The following IQCN variants were observed in gnomAD, a reference collection of about 807,000 sequenced individuals.
IQCN encodes the protein IQ motif containing N.
Under a neutral mutation model 64.4 loss-of-function variants are expected in IQCN, and 46 were observed. That is an observed-to-expected ratio of 0.71 (90% CI 0.56 to 0.91). The LOEUF (loss-of-function observed/expected upper bound fraction) is 0.91. Ranked by LOEUF, IQCN falls within the 40% of genes least tolerant of loss-of-function variation. IQCN has a pLI of 0.00. For missense variants in IQCN, 1,753 were observed against 1,857.4 expected (o/e 0.94, Z 1.03); for synonymous variants, 733 against 775.6 (o/e 0.95, Z 0.91).
rs768921785 is a variant in IQCN at position 18,257,412 on chromosome 19, G to A, written c.3872C>T (p.Ala1291Val). 2 of 1,610,346 alleles carry A rather than the reference G, an allele frequency of 1.2e-6. No homozygotes were observed. Among genetic ancestry groups the A allele is most frequent in the Admixed American group, 3.3e-5 (2 of 59,976 alleles). ...GCGATGCGGCTGCCTGGGACTCAGG[G>A]CAGCCAGCTGGTAGGCGGAGGCCCA... ...VSWASAYQLA[A>V]LSPRQPHRQD... Residue 1291 changes from alanine (A) to valine (V), a missense_variant, in exon 4 of 4, where the codon GCC (alanine) becomes GTC (valine). Coordinates refer to ENST00000392413, the MANE Select transcript of IQCN (RefSeq NM_001145304.2).
At position 18,265,279 on chromosome 19, in the gene IQCN, G is replaced by T; in HGVS notation, c.2261C>A (p.Thr754Lys). ...AGCCTGGTGCGCTGGGATGAGGCACGTGGTTATGTCTGTGATCGGCTGCCC... is the reference window on the plus strand; with the variant it reads ...AGCCTGGTGCGCTGGGATGAGGCACTTGGTTATGTCTGTGATCGGCTGCCC... The part of the protein sequence containing the change: ...SRGQPITDIT[T>K]CLIPAHQAAD... The change falls in exon 3 of 4, where the codon ACG becomes AAG. Residue 754 changes from threonine to lysine, a missense_variant. Transcript: ENST00000392413. The surrounding 1 kb of genome is among the most constrained non-coding windows in gnomAD (Gnocchi z 4.7). 1 of 1,614,044 alleles carries T rather than the reference G, an allele frequency of 6.2e-7. No homozygotes were observed. The highest frequency in any genetic ancestry group is 1.3e-5 in the African/African-American group (1 of 75,046).
chr19:18,266,825 G>T lies in IQCN; in HGVS notation c.715C>A (p.Pro239Thr), dbSNP rs1265992263. The change falls in exon 3 of 4, where the codon CCA becomes ACA. Residue 239 changes from proline (P) to threonine (T), a missense_variant. Physicochemically the swap from Pro to Thr is conservative, Grantham distance 38. Transcript: ENST00000392413. The surrounding 1 kb of genome is among the most constrained non-coding windows in gnomAD (Gnocchi z 4.3). The stretch of plus-strand genomic sequence containing the variant: ...AATCTGATGGTGACCGTCTGGTGTG[G>T]CAGGAAGGCCAGCCCCCGGACTCTG... ...AARVRGLAFL[P>T]HQTVTIRFPC... 1 of 1,614,124 alleles carries T rather than the reference G, an allele frequency of 6.2e-7. No individual in the cohort carries two copies. The highest frequency in any genetic ancestry group is 2.2e-5 in the East Asian group (1 of 44,880).
At position 18,267,113 on chromosome 19, in the gene IQCN, T is replaced by C. The variant is rs765508154; in HGVS notation, c.427A>G (p.Arg143Gly). 1.9e-6 allele frequency: 3 copies of C among 1,614,248 alleles called. No homozygotes were observed. The South Asian group carries it at 3.3e-5, about 18-fold the overall frequency. ...IQEAWRRFNK[R>G]HILHSSKSLV... ...GACTTGCTGGAGTGAAGGATGTGTC[T>C]CTTGTTGAAGCGCCGCCAGGCCTCC... Residue 143 changes from arginine (R) to glycine (G), a missense_variant, in exon 3 of 4, where the codon AGA becomes GGA. Physicochemically the swap from Arg to Gly is moderately radical, Grantham distance 125 (BLOSUM62 -2). Transcript: ENST00000392413.
Position 18,257,652 on chromosome 19 carries a change from C to G in IQCN, c.3632G>C (p.Arg1211Thr). ...GCGATGGTCAGATACTGTCCTGGCTCTGCCATCCTGGAACCAGCTTCGGTC... is the reference window on the plus strand; with the variant it reads ...GCGATGGTCAGATACTGTCCTGGCTGTGCCATCCTGGAACCAGCTTCGGTC... ...MSDRSWFQDG[R>T]ARTVSDHRCF... Residue 1211 changes from arginine to threonine, a missense_variant, in exon 4 of 4, where the codon AGA becomes ACA. Transcript: ENST00000392413. The G allele has an allele frequency of 1.2e-6, 2 of 1,609,766 alleles. No homozygotes were observed. Among genetic ancestry groups the G allele is most frequent in the Non-Finnish European group, 1.7e-6 (2 of 1,177,804 alleles).
rs61740692 is a variant in IQCN, at chr19:18,267,171, C to T, written c.369G>A (p.Leu123=). Residue 123 remains leucine, a synonymous_variant, in exon 3 of 4, where the codon CTG becomes CTA. Transcript: ENST00000392413. ...NWRGYWLRQK[L]ISQMMAAKAI... ...CCTTGGCCGCCATCATCTGGGAAAT[C>T]AGCTTCTGCCGGAGCCAATAGCCCC... 6 of 1,614,144 alleles carry T rather than the reference C, an allele frequency of 3.7e-6. No individual in the cohort carries two copies. Among genetic ancestry groups the T allele is most frequent in the Non-Finnish European group, 5.1e-6 (6 of 1,180,060 alleles).
chr19:18,266,976 C>A lies in IQCN; in HGVS notation c.564G>T (p.Val188=), dbSNP rs371368995. Residue 188 remains valine, a synonymous_variant, in exon 3 of 4, where the codon GTG becomes GTT. Coordinates refer to ENST00000392413, the MANE Select transcript of IQCN (RefSeq NM_001145304.2). This position sits in a 1 kb window ranked among gnomAD's most constrained non-coding sequence, Gnocchi z 4.3. ...AGGAAGGGAACTGGGTCTCCTTGTT[C>A]ACCATGATGGGCGGGGACAGAAGGC... is the stretch of plus-strand genomic sequence containing the variant. ...ENRLLSPPIM[V]NKETQFPSCD... 70 of 1,613,894 alleles carry A rather than the reference C, an allele frequency of 4.3e-5. No individual in the cohort carries two copies. The African/African-American group carries it at 6.8e-4, about 16-fold the overall frequency.
Position 18,267,496 on chromosome 19 carries a change from T to A in IQCN, c.44A>T (p.Asn15Ile), listed in dbSNP as rs765916798. The change falls in exon 3 of 4, where the codon AAT (asparagine) becomes ATT (isoleucine). Residue 15 changes from asparagine (N) to isoleucine (I), a missense_variant. Coordinates refer to ENST00000392413, the MANE Select transcript of IQCN (RefSeq NM_001145304.2). ...GRADLSGNQG[N>I]AAGRLATVHE... ...AACTGTAGCTAGGCGGCCGGCTGCA[T>A]TGCCTTGATTACCGGACAGGTCAGC... 4 of 1,528,756 alleles carry A rather than the reference T, an allele frequency of 2.6e-6. No homozygotes were observed. Among genetic ancestry groups the A allele is most frequent in the East Asian group, 2.3e-5 (1 of 44,280 alleles). 94.7% of individuals were successfully genotyped at this position (1,528,756 alleles called of 1,614,324 possible). A position where few individuals can be genotyped will look rare whatever the true frequency, so the allele number is the denominator to read the frequency against.
Position 18,264,224 on chromosome 19 carries a change from C to T in IQCN, c.3177+139G>A, listed in dbSNP as rs183599254. On this transcript the variant is annotated intron_variant, in intron 3 of 3. Coordinates refer to ENST00000392413, the MANE Select transcript of IQCN (RefSeq NM_001145304.2). This position sits in a 1 kb window ranked among gnomAD's most constrained non-coding sequence, Gnocchi z 4.3. ...GAATGCTGGTGATGACGCTACCCAT[C>T]ACCGAGGCTCCCACAGTGACCACAG... 7 of 717,416 alleles carry T rather than the reference C, an allele frequency of 9.8e-6. No individual in the cohort carries two copies. The Admixed American group carries it at 2.1e-4, about 21-fold the overall frequency. The allele number at this position is 717,416 out of a possible 1,614,324, so 44.4% of individuals were successfully genotyped here.
rs779612005 is a variant in IQCN at position 18,257,558 on chromosome 19, C to T, written c.3726G>A (p.Pro1242=). The T allele has an allele frequency of 5.6e-6, 9 of 1,612,278 alleles. No homozygotes were observed. The highest frequency in any genetic ancestry group is 2.7e-5 in the African/African-American group (2 of 74,950). The change falls in exon 4 of 4, where the codon CCG becomes CCA. Residue 1242 remains proline, a synonymous_variant. Coordinates refer to ENST00000392413, the MANE Select transcript of IQCN (RefSeq NM_001145304.2). ...CHSLSSRIGS[P]PSVVMLVGSS... The stretch of plus-strand genomic sequence containing the variant: ...AGCCCACTAGCATCACCACGCTGGG[C>T]GGGCTCCCGATCCTGGAGCTCAGGG...
In IQCN at chr19:18,258,093, G is replaced by A; in HGVS notation, c.3191C>T (p.Ala1064Val). Residue 1064 changes from alanine (A) to valine (V), a missense_variant, in exon 4 of 4, where the codon GCT becomes GTT. By Grantham distance (64) the Ala-to-Val change is moderately conservative. Transcript: ENST00000392413. ...CCACGATTGGCCACCAACCACACCA[G>A]CGTCCGCGGGGCCCTGGAGTATAGT... ...RPQTSKGPAD[A>V]GVVGGQSWNR... 1 of 1,610,522 alleles carries A rather than the reference G, an allele frequency of 6.2e-7. No individual in the cohort carries two copies. Among genetic ancestry groups the A allele is most frequent in the East Asian group, 2.2e-5 (1 of 44,884 alleles).
At position 18,266,143 on chromosome 19, in the gene IQCN, T is replaced by A; in HGVS notation, c.1397A>T (p.Asn466Ile). Residue 466 changes from asparagine (N) to isoleucine (I), a missense_variant, in exon 3 of 4, where the codon AAC (asparagine) becomes ATC (isoleucine). Coordinates refer to ENST00000392413, the MANE Select transcript of IQCN (RefSeq NM_001145304.2). The surrounding 1 kb of genome is among the most constrained non-coding windows in gnomAD (Gnocchi z 4.3). ...GGCTGACAGACATGTTTGCAATGGG[T>A]TTTTGGCTGGGGTGGTGACCGGGTG... ...QMHPVTTPAKNPLQTCLSATM... is the reference protein window; with the variant it reads ...QMHPVTTPAKIPLQTCLSATM... 1 of 1,613,566 alleles carries A rather than the reference T, an allele frequency of 6.2e-7. No homozygotes were observed. Among genetic ancestry groups the A allele is most frequent in the Non-Finnish European group, 8.5e-7 (1 of 1,179,898 alleles).
Position 18,265,934 on chromosome 19 carries a change from C to T in IQCN, c.1606G>A (p.Val536Ile), listed in dbSNP as rs1332654550. The part of the protein sequence containing the change: ...ANVKAPPQVA[V>I]AAGTPNTSGS... ...GAGGTGTTGGGAGTTCCGGCTGCTA[C>T]CGCCACTTGGGGTGGAGCCTTGACA... Residue 536 changes from valine (V) to isoleucine (I), a missense_variant, in exon 3 of 4, where the codon GTA becomes ATA. Coordinates refer to ENST00000392413, the MANE Select transcript of IQCN (RefSeq NM_001145304.2). The surrounding 1 kb of genome is among the most constrained non-coding windows in gnomAD (Gnocchi z 4.7). The T allele has an allele frequency of 6.2e-7, 1 of 1,614,032 alleles. No individual in the cohort carries two copies. The highest frequency in any genetic ancestry group is 1.3e-5 in the African/African-American group (1 of 74,908).
At chr19:18,271,189 AC>A (rs1969728163) in intron 1 of IQCN, among the ~76,000 whole-genome samples, 2 of 144,832 alleles carry the variant, frequency 1.4e-5, no homozygotes, top group African/African-American at 5.2e-5. Flanking sequence ...AAAAAAAAAA[AC>A]CAGGCGCAGT....
In IQCN at chr19:18,265,662, C is replaced by T; in HGVS notation, c.1878G>A (p.Val626=). ...TDMAFKTSVA[V]EMAGAPSWTK... is the part of the protein sequence containing the mutation. ...TCCAGGATGGAGCCCCAGCCATTTC[C>T]ACTGCCACACTGGTCTTAAATGCCA... is the stretch of plus-strand genomic sequence containing the variant. Residue 626 remains valine (V), a synonymous_variant, in exon 3 of 4, where the codon GTG becomes GTA. Coordinates refer to ENST00000392413, the MANE Select transcript of IQCN (RefSeq NM_001145304.2). This position sits in a 1 kb window ranked among gnomAD's most constrained non-coding sequence, Gnocchi z 4.7. 1 of 1,614,160 alleles carries T rather than the reference C, an allele frequency of 6.2e-7. No individual in the cohort carries two copies.
intron 1 of IQCN, among the ~76,000 whole-genome samples, chr19:18,272,205 G>A (rs1046609134): frequency 8.7e-5 from 13 of 148,926 alleles, no homozygotes; most frequent in African/African-American, 3.2e-4. Context: ...TCCTTTCACT[G>A]CAACCTCTAC....
chr19:18,270,051 T>TAC (rs1969701277), intron 1 of IQCN, among the ~76,000 whole-genome samples: 1 of 75,860 alleles, frequency 1.3e-5, no homozygotes, highest in Non-Finnish European at 2.3e-5. Context: ...AACTGTCTCT[T>TAC]AAAAAAAAAA....
chr19:18,272,972 A>G (rs145743624), intron 1 of IQCN, among the ~76,000 whole-genome samples: 5 of 152,260 alleles, frequency 3.3e-5, no homozygotes, highest in African/African-American at 1.2e-4. Context: ...TCACATATTG[A>G]AAGGGTCCAT....
Position 18,267,103 on chromosome 19 carries a change from A to G in IQCN, c.437T>C (p.Leu146Pro). The G allele has an allele frequency of 6.2e-7, 1 of 1,614,200 alleles. No homozygotes were observed. The highest frequency in any genetic ancestry group is 8.5e-7 in the Non-Finnish European group (1 of 1,180,042). ...AWRRFNKRHI[L>P]HSSKSLVKKT... The stretch of plus-strand genomic sequence containing the variant: ...CTTTACCAACGACTTGCTGGAGTGA[A>G]GGATGTGTCTCTTGTTGAAGCGCCG... The change falls in exon 3 of 4, where the codon CTT (leucine) becomes CCT (proline). Residue 146 changes from leucine (L) to proline (P), a missense_variant. Transcript: ENST00000392413.
At position 18,267,445 on chromosome 19, in the gene IQCN, G is replaced by A. The variant is rs146156071; in HGVS notation, c.95C>T (p.Ala32Val). The A allele has an allele frequency of 7.7e-5, 119 of 1,548,118 alleles. No homozygotes were observed. The African/African-American group carries it at 1.1e-3, about 14-fold the overall frequency. Residue 32 changes from alanine (A) to valine (V), a missense_variant, in exon 3 of 4, where the codon GCG becomes GTG. Transcript: ENST00000392413. The part of the protein sequence containing the change: ...TVHEPVVTQW[A>V]VHPPAPAHPS... ...GTGAGCGGGGGCTGGAGGATGCACC[G>A]CCCACTGGGTGACAACTGGCTCGTG...
Sources: allele counts gnomAD v4.1 joint callset (sites outside exome capture counted in the v4.1 genomes callset), GRCh38; gene constraint gnomAD v4.1.1; non-coding constraint Gnocchi (gnomAD v3.1); transcripts MANE v1.5; gene names NCBI Gene and HGNC (gene_info 2026-07-23, HGNC 2026-07-21).